The following PVR variants were observed in gnomAD, a reference collection of about 807,000 sequenced individuals.
PVR encodes the protein PVR cell adhesion molecule, also known as poliovirus receptor.
PVR carries 39 observed loss-of-function variants against 43.3 expected under a neutral mutation model. That is an observed-to-expected ratio of 0.90 (90% CI 0.70 to 1.18). PVR has a LOEUF of 1.18. Ranked by LOEUF, PVR falls within the 50% of genes most tolerant of loss-of-function variation. The probability of loss-of-function intolerance (pLI) is 0.00; values close to 1 mark genes in which losing one functional copy is unlikely to be tolerated. For synonymous variants in PVR, 224 were observed against 233.2 expected, an observed-to-expected ratio of 0.96 and a Z score of 0.36; for missense variants, 480 against 549.7, an observed-to-expected ratio of 0.87 and a Z score of 1.27.
intron 6 of PVR, 43 bp from the exon 7 acceptor site, chr19:44,661,249 C>T (rs781779050): frequency 5.7e-6 from 9 of 1,585,910 alleles, no homozygotes; most frequent in Non-Finnish European, 7.8e-6. Context: ...CCATGCTTCC[C>T]AGCATTATTC....
chr19:44,647,644 GCGGGGAGGC>G, intron 2 of PVR, 74 bp downstream of exon 2: 5 of 1,306,612 alleles, frequency 3.8e-6, no homozygotes, highest in Non-Finnish European at 5.3e-6. Flanking sequence ...TTGGCAAAGA[GCGGGGAGGC>G]CTGGGAGGGA....
chr19:44,643,954 C>A lies in PVR; in HGVS notation c.-143C>A. 1 of 609,676 alleles carries A rather than the reference C, an allele frequency of 1.6e-6. No homozygotes were observed. The highest frequency in any genetic ancestry group is 2.1e-5 in the South Asian group (1 of 47,650). 37.8% of individuals were successfully genotyped at this position (609,676 alleles called of 1,614,324 possible). On this transcript the variant is annotated 5_prime_UTR_variant, in exon 1 of 8. Coordinates refer to ENST00000425690, the MANE Select transcript of PVR (RefSeq NM_006505.5). ...GAAGAAGTGGGTATTCCCCTTCCCA[C>A]CCCAGGCACTGGAGGAGCGGCCCCC...
chr19:44,657,208 C>A (rs943456373), intron 4 of PVR, among the ~76,000 whole-genome samples: 27 of 152,312 alleles, frequency 1.8e-4, no homozygotes, highest in African/African-American at 6.5e-4. Flanking sequence ...GGACACCTAA[C>A]TGGAGAGTTT....
At chr19:44,661,631 A>C in intron 7 of PVR, 109 bp from the exon 8 acceptor site, 1 of 982,652 alleles carries the variant, frequency 1.0e-6, no homozygotes, top group Non-Finnish European at 1.6e-6. Flanking sequence ...GCTTCCAGGG[A>C]GAGAGGAGGG....
intron 4 of PVR, among the ~76,000 whole-genome samples, chr19:44,656,723 A>T (rs1240132441): frequency 6.6e-6 from 1 of 152,178 alleles, no homozygotes; most frequent in South Asian, 2.1e-4. Context: ...TAATCCCAGC[A>T]CTTTGGGAGG....
At chr19:44,647,178 C>A (rs765631706) in intron 1 of PVR, 45 bp from the exon 2 acceptor site, 3 of 1,431,064 alleles carry the variant, frequency 2.1e-6, no homozygotes, top group Non-Finnish European at 1.9e-6. Context: ...CCTATCTAGT[C>A]CAAGAACGCC....
chr19:44,654,781 G>A (rs1973394358), intron 4 of PVR, among the ~76,000 whole-genome samples: 1 of 152,148 alleles, frequency 6.6e-6, no homozygotes, highest in African/African-American at 2.4e-5. Context: ...GTTAGTGTTA[G>A]TGTATTTTAT....
At chr19:44,653,438 C>T (rs1973338012) in intron 3 of PVR, among the ~76,000 whole-genome samples, 1 of 152,162 alleles carries the variant, frequency 6.6e-6, no homozygotes, top group African/African-American at 2.4e-5. Flanking sequence ...AAACCCTGTC[C>T]CATTGGCCTG....
rs533942226 is a variant in PVR, at chr19:44,654,544, G to A, written c.842+527G>A. 1.7e-3 allele frequency among the ~76,000 whole-genome samples: 253 copies of A among 152,234 alleles called. 1 individual carries two copies. Among genetic ancestry groups the A allele is most frequent in the African/African-American group, 5.3e-3 (219 of 41,532 alleles). ...CTGCTCTGTGCCCGGTACTTCCCCC[G>A]AATCCCATGTGACCCCATGCTGTGC... On this transcript the variant is annotated intron_variant, in intron 4 of 7. Transcript: ENST00000425690.
In PVR at chr19:44,663,791, G is replaced by A. The variant is rs1973644163; in HGVS notation, c.*1980G>A. Among the ~76,000 whole-genome samples the A allele has an allele frequency of 6.6e-6, 1 of 151,898 alleles. No individual in the cohort carries two copies. Among genetic ancestry groups the A allele is most frequent in the East Asian group, 1.9e-4 (1 of 5,162 alleles). On this transcript the variant is annotated 3_prime_UTR_variant, in exon 8 of 8. Transcript: ENST00000425690. Reference sequence around the variant, plus strand: ...AAATGTTTAAGGGACGGTGTCTCCTGTCACCCAGGCTGGAGTGCAATGGCA... The same window carrying A: ...AAATGTTTAAGGGACGGTGTCTCCTATCACCCAGGCTGGAGTGCAATGGCA...
intron 6 of PVR, among the ~76,000 whole-genome samples, chr19:44,660,472 T>C (rs909243162): frequency 1.1e-4 from 17 of 151,912 alleles, no homozygotes; most frequent in African/African-American, 4.1e-4. Flanking sequence ...TTATTACTAT[T>C]ATTGTTATTA....
At chr19:44,644,796 GCCT>G (rs1973032059) in intron 1 of PVR, among the ~76,000 whole-genome samples, 1 of 147,606 alleles carries the variant, frequency 6.8e-6, no homozygotes, top group Non-Finnish European at 1.5e-5. Flanking sequence ...GCTCACTGCA[GCCT>G]CCTCCTCCCG....
At chr19:44,655,750 T>C (rs1973426436) in intron 4 of PVR, among the ~76,000 whole-genome samples, 1 of 152,134 alleles carries the variant, frequency 6.6e-6, no homozygotes, top group Admixed American at 6.6e-5. Flanking sequence ...ACCACGTGGA[T>C]TCCCCTGCTA....
chr19:44,649,640 C>G (rs1350571502), intron 2 of PVR, among the ~76,000 whole-genome samples, 169 bp from the exon 3 acceptor site: 5 of 152,028 alleles, frequency 3.3e-5, no homozygotes, highest in Admixed American at 3.3e-4. Context: ...AGGCTGGTCT[C>G]GAACTCCTGA....
chr19:44,663,742 CT>C lies in PVR; in HGVS notation c.*1942del, dbSNP rs34238728. ...CCCAGGCACCTTAGGAACAGCTTGT[CT>C]TTTTTTTTTTCCTCTCCAAAAAAAA... On this transcript the variant is annotated 3_prime_UTR_variant, in exon 8 of 8. Transcript: ENST00000425690. 0.14 allele frequency among the ~76,000 whole-genome samples: 20,569 copies of C among 146,802 alleles called. 1,670 individuals carry two copies. The highest frequency in any genetic ancestry group is 0.35 in the East Asian group (1,749 of 5,056).
intron 2 of PVR, among the ~76,000 whole-genome samples, chr19:44,648,525 G>A (rs1366466911): frequency 1.3e-5 from 2 of 151,616 alleles, no homozygotes; most frequent in African/African-American, 4.9e-5. Flanking sequence ...CTGTCGCCCA[G>A]GCTGGAGTGC....
intron 3 of PVR, among the ~76,000 whole-genome samples, chr19:44,651,739 T>G (rs1239700878): frequency 6.6e-6 from 1 of 152,216 alleles, no homozygotes; most frequent in African/African-American, 2.4e-5. Context: ...TCATCGACAT[T>G]GACACCCACA....
At chr19:44,654,964 T>C (rs1973399536) in intron 4 of PVR, among the ~76,000 whole-genome samples, 2 of 152,138 alleles carry the variant, frequency 1.3e-5, no homozygotes, top group Admixed American at 1.3e-4. Context: ...AAGTTGAGGC[T>C]CACAGCAATA....
intron 1 of PVR, 99 bp from the exon 2 acceptor site, chr19:44,647,122 CAG>C: frequency 1.3e-6 from 1 of 781,186 alleles, no homozygotes; most frequent in Non-Finnish European, 2.0e-6. Context: ...TCCAGGGCCC[CAG>C]CGTGCAAGTG....
Sources: allele counts gnomAD v4.1 joint callset (sites outside exome capture counted in the v4.1 genomes callset), GRCh38; gene constraint gnomAD v4.1.1; transcripts MANE v1.5; gene names NCBI Gene and HGNC (gene_info 2026-07-23, HGNC 2026-07-21).